NEDD1: variants seen among roughly 807,000 people sequenced by gnomAD.
NEDD1 encodes protein NEDD1.
In NEDD1, 33 loss-of-function variants were observed where a neutral mutation model predicts 74.0. The observed-to-expected ratio is 0.45, with a 90% CI of 0.34 to 0.60. The LOEUF (loss-of-function observed/expected upper bound fraction) is 0.60. Ranked by LOEUF, NEDD1 falls within the 20% of genes least tolerant of loss-of-function variation. NEDD1 has a pLI of 0.01. For synonymous variants in NEDD1, 250 were observed against 264.4 expected, an observed-to-expected ratio of 0.95 and a Z score of 0.53; for missense variants, 746 against 776.5, an observed-to-expected ratio of 0.96 and a Z score of 0.47.
At chr12:96,930,064 G>A (rs186511312) in intron 6 of NEDD1, among the ~76,000 whole-genome samples, 1 of 151,702 alleles carries the variant, frequency 6.6e-6, no homozygotes, top group Admixed American at 6.6e-5. Flanking sequence ...CATGTGTTTG[G>A]GGGTTCATGG....
At chr12:96,949,647 T>C (rs1426666672) in intron 14 of NEDD1, among the ~76,000 whole-genome samples, 6 of 152,186 alleles carry the variant, frequency 3.9e-5, no homozygotes, top group South Asian at 4.1e-4. Flanking sequence ...GTCAGATGAA[T>C]ACACTTAATT....
At chr12:96,930,865 T>G (rs905551399) in intron 6 of NEDD1, among the ~76,000 whole-genome samples, 30 of 152,174 alleles carry the variant, frequency 2.0e-4, no homozygotes, top group Non-Finnish European at 3.2e-4. Context: ...CTCACAGTAT[T>G]GACGGTCATT....
chr12:96,909,206 G>A (rs543565630), intron 2 of NEDD1, among the ~76,000 whole-genome samples: 3 of 151,594 alleles, frequency 2.0e-5, no homozygotes, highest in South Asian at 4.2e-4. Flanking sequence ...TCAGATATTA[G>A]GAAGTGCTAT....
chr12:96,920,739 G>A (rs943439382), intron 6 of NEDD1, among the ~76,000 whole-genome samples: 4 of 152,038 alleles, frequency 2.6e-5, no homozygotes, highest in Non-Finnish European at 5.9e-5. Flanking sequence ...CATAAGATTC[G>A]CCATAGAAAT....
Position 96,935,082 on chromosome 12 carries a change from ATAACTTTGACAGTG to A in NEDD1, c.599_612del (p.Asn200ThrfsTer15). Reference sequence around the variant, plus strand: ...GATGTAAATAGTCAGAGTCCATACCATAACTTTGACAGTGTACACAAAGCTCCAGCGTCAGGCAT... The same window carrying A: ...GATGTAAATAGTCAGAGTCCATACCATACACAAAGCTCCAGCGTCAGGCAT... On this transcript the variant is annotated frameshift_variant, in exon 7 of 16. Coordinates refer to ENST00000266742, the MANE Select transcript of NEDD1 (RefSeq NM_152905.4). LOFTEE classifies it high-confidence loss of function. 1 of 1,609,700 alleles carries A rather than the reference ATAACTTTGACAGTG, an allele frequency of 6.2e-7. No homozygotes were observed. Among genetic ancestry groups the A allele is most frequent in the South Asian group, 1.1e-5 (1 of 90,990 alleles).
At chr12:96,939,157 C>A (rs1877416501) in intron 9 of NEDD1, among the ~76,000 whole-genome samples, 1 of 152,010 alleles carries the variant, frequency 6.6e-6, no homozygotes, top group Non-Finnish European at 1.5e-5. Flanking sequence ...TCTGTTGCTT[C>A]TATTGAAGTT....
rs7302642 is a variant in NEDD1, at chr12:96,924,924, G to A, written c.489+4799G>A. On this transcript the variant is annotated intron_variant, in intron 6 of 15. Transcript: ENST00000266742. ...GAAGAAGCATTCAATTTACTACCAA[G>A]CATGATAGTCATTGTAAGGTTTGTT... 8.8e-3 allele frequency: 3,850 copies of A among 437,590 alleles called. 122 individuals are homozygous for A. Among genetic ancestry groups the A allele is most frequent in the African/African-American group, 0.072 (3,547 of 49,048 alleles). The allele number at this position is 437,590 out of a possible 1,614,324, so 27.1% of individuals were successfully genotyped here.
At chr12:96,930,195 ACACACACACACACACACTCTCTCTCTCT>A (rs1464499119) in intron 6 of NEDD1, among the ~76,000 whole-genome samples, 11 of 74,732 alleles carry the variant, frequency 1.5e-4, no homozygotes, top group African/African-American at 6.0e-4. Flanking sequence ...ACACACACAC[ACACACACACACACACACTCTCTCTCTCT>A]CTCTCTCTCT....
intron 4 of NEDD1, 66 bp from the exon 5 acceptor site, chr12:96,917,555 T>G: frequency 1.4e-6 from 2 of 1,442,648 alleles, no homozygotes; most frequent in East Asian, 5.2e-5. Context: ...AAGTGTTGGA[T>G]GAGACCTGAA....
Position 96,951,509 on chromosome 12 carries a change from C to T in NEDD1, c.1878+11C>T, listed in dbSNP as rs1410036569. On this transcript the variant is annotated intron_variant, in intron 15 of 15. Coordinates refer to ENST00000266742, the MANE Select transcript of NEDD1 (RefSeq NM_152905.4). The stretch of plus-strand genomic sequence containing the variant: ...TTTCATATGCAACTGGTATGTATGG[C>T]AAATTTTATTTTAATATTTTAAATG... The T allele has an allele frequency of 7.4e-7, 1 of 1,360,132 alleles. No individual in the cohort carries two copies. Among genetic ancestry groups the T allele is most frequent in the East Asian group, 2.3e-5 (1 of 42,866 alleles). 84.3% of individuals were successfully genotyped at this position (1,360,132 alleles called of 1,614,324 possible).
At chr12:96,916,739 A>G (rs1322029675) in intron 4 of NEDD1, among the ~76,000 whole-genome samples, 1 of 151,996 alleles carries the variant, frequency 6.6e-6, no homozygotes, top group Non-Finnish European at 1.5e-5. Context: ...TCTTTATAGC[A>G]GCATGATTTA....
intron 5 of NEDD1, 109 bp from the exon 6 acceptor site, chr12:96,919,876 A>C (rs965871052): frequency 6.1e-5 from 41 of 671,086 alleles, no homozygotes; most frequent in East Asian, 4.0e-4. Flanking sequence ...AAAATGTTAA[A>C]GCAAATATTA....
At chr12:96,949,797 T>C (rs950759604) in intron 14 of NEDD1, among the ~76,000 whole-genome samples, 3 of 152,094 alleles carry the variant, frequency 2.0e-5, no homozygotes, top group Admixed American at 6.6e-5. Context: ...AAAAATGGAA[T>C]AATCAGTAAG....
Position 96,944,800 on chromosome 12 carries a change from G to C in NEDD1, c.1654+5G>C. 6.5e-7 allele frequency: 1 copy of C among 1,528,482 alleles called. No homozygotes were observed. The highest frequency in any genetic ancestry group is 8.7e-7 in the Non-Finnish European group (1 of 1,143,244). The allele number at this position is 1,528,482 out of a possible 1,614,324, so 94.7% of individuals were successfully genotyped here. The stretch of plus-strand genomic sequence containing the variant: ...TCAATGGATCCTCAACTCCAAGTAA[G>C]TACATGAAACTTCCTGATGTTTGAA... On this transcript the variant is annotated splice_donor_5th_base_variant and intron_variant, in intron 13 of 15. Coordinates refer to ENST00000266742, the MANE Select transcript of NEDD1 (RefSeq NM_152905.4).
intron 3 of NEDD1, among the ~76,000 whole-genome samples, chr12:96,911,551 G>A (rs1270672382): frequency 6.6e-6 from 1 of 152,178 alleles, no homozygotes; most frequent in Non-Finnish European, 1.5e-5. Flanking sequence ...TGGGGTTAAT[G>A]TGAGACACCA....
At chr12:96,949,166 G>A (rs1319463831) in intron 14 of NEDD1, among the ~76,000 whole-genome samples, 1 of 152,152 alleles carries the variant, frequency 6.6e-6, no homozygotes, top group Non-Finnish European at 1.5e-5. Flanking sequence ...ACTCTAGAAG[G>A]AAAAACAGAG....
At chr12:96,923,223 A>G (rs1875302465) in intron 6 of NEDD1, among the ~76,000 whole-genome samples, 1 of 152,138 alleles carries the variant, frequency 6.6e-6, no homozygotes, top group Non-Finnish European at 1.5e-5. Context: ...AATTCTGTGT[A>G]GTGTTTCCTT....
intron 14 of NEDD1, among the ~76,000 whole-genome samples, chr12:96,946,482 A>G (rs1878212841): frequency 6.6e-6 from 1 of 152,190 alleles, no homozygotes; most frequent in Admixed American, 6.6e-5. Context: ...GATTACCGTA[A>G]GCAAGAATGT....
rs1445512881 is a variant in NEDD1, at chr12:96,953,098, G to T, written c.*1045G>T. On this transcript the variant is annotated 3_prime_UTR_variant, in exon 16 of 16. Coordinates refer to ENST00000266742, the MANE Select transcript of NEDD1 (RefSeq NM_152905.4). ...TTTAGGTTAAGTGAAGCTTGGGGGG[G>T]CTACTGACTTGGTTACCTTCTTGTC... The T allele has an allele frequency of 2.0e-5, 3 of 150,862 alleles. No homozygotes were observed. The highest frequency in any genetic ancestry group is 7.3e-5 in the African/African-American group (3 of 41,180). The allele number at this position is 150,862 out of a possible 1,614,324, so 9.3% of individuals were successfully genotyped here. A position where few individuals can be genotyped will look rare whatever the true frequency, so the allele number is the denominator to read the frequency against.
Sources: gnomAD v4.1 joint callset for allele counts (sites outside exome capture counted in the v4.1 genomes callset) on GRCh38, gnomAD v4.1.1 for gene constraint, MANE v1.5 for transcripts, NCBI Gene and HGNC (gene_info 2026-07-23, HGNC 2026-07-21) for gene names.